Variants in ASIC2 observed in about 807,000 individuals in gnomAD.
ASIC2 encodes acid-sensing ion channel 2.
In ASIC2, 25 loss-of-function variants were observed where a neutral mutation model predicts 57.3. The observed-to-expected ratio is 0.44, with a 90% CI of 0.32 to 0.61. The LOEUF (loss-of-function observed/expected upper bound fraction) is 0.61, where lower values mean the gene tolerates loss of function less well. ASIC2 is among the 20% of genes least tolerant of loss of function. ASIC2 has a pLI of 0.06. For missense variants in ASIC2, 641 were observed against 738.1 expected, an observed-to-expected ratio of 0.87 and a Z score of 1.52; for synonymous variants, 319 against 307.5, an observed-to-expected ratio of 1.04 and a Z score of -0.39.
intron 1 of ASIC2, among the ~76,000 whole-genome samples, chr17:33,519,472 A>T (rs1914677033): frequency 6.6e-6 from 1 of 152,156 alleles, no homozygotes; most frequent in South Asian, 2.1e-4. Context: ...TTGCAAACAC[A>T]TGCACCTGAA....
intron 1 of ASIC2, among the ~76,000 whole-genome samples, chr17:33,890,590 T>C (rs1243488951): frequency 6.6e-6 from 1 of 151,998 alleles, no homozygotes; most frequent in Non-Finnish European, 1.5e-5. Context: ...GACCCAGGAG[T>C]TGGATCTGGG....
At chr17:33,241,942 A>G (rs1306167332) in intron 1 of ASIC2, among the ~76,000 whole-genome samples, 2 of 152,228 alleles carry the variant, frequency 1.3e-5, no homozygotes, top group African/African-American at 4.8e-5. Flanking sequence ...GAGATTTGCT[A>G]TATATAAATG....
intron 1 of ASIC2, among the ~76,000 whole-genome samples, chr17:34,126,898 G>A (rs2142123953): frequency 6.6e-6 from 1 of 152,268 alleles, no homozygotes; most frequent in Non-Finnish European, 1.5e-5. Flanking sequence ...CATGTGCTGA[G>A]TAGCCCGGGC....
chr17:34,079,326 A>G (rs545944782), intron 1 of ASIC2, among the ~76,000 whole-genome samples: 1 of 152,178 alleles, frequency 6.6e-6, no homozygotes, highest in East Asian at 1.9e-4. Flanking sequence ...CATACTAATC[A>G]ATGTGTGGTT....
At chr17:33,399,069 G>C (rs1910186208) in intron 1 of ASIC2, among the ~76,000 whole-genome samples, 1 of 152,144 alleles carries the variant, frequency 6.6e-6, no homozygotes, top group Non-Finnish European at 1.5e-5. Flanking sequence ...AAGAAGGCTG[G>C]AGGGAGAGAG....
chr17:33,832,854 A>G (rs1294620145), intron 1 of ASIC2, among the ~76,000 whole-genome samples: 1 of 152,202 alleles, frequency 6.6e-6, no homozygotes, highest in Non-Finnish European at 1.5e-5. Flanking sequence ...AGGCAGGCAC[A>G]ATGTTTCCTT....
intron 1 of ASIC2, among the ~76,000 whole-genome samples, chr17:33,255,306 C>T (rs1187990064): frequency 6.6e-6 from 1 of 151,872 alleles, no homozygotes; most frequent in African/African-American, 2.4e-5. Context: ...TCCCAAAGTG[C>T]TGGGATTATA....
intron 1 of ASIC2, among the ~76,000 whole-genome samples, chr17:33,465,920 T>C (rs1038224628): frequency 6.6e-6 from 1 of 152,158 alleles, no homozygotes; most frequent in Non-Finnish European, 1.5e-5. Context: ...TCTTAAAAAC[T>C]GTAAGGACCA....
At chr17:34,022,727 G>C (rs1035811876) in intron 1 of ASIC2, among the ~76,000 whole-genome samples, 1 of 151,816 alleles carries the variant, frequency 6.6e-6, no homozygotes, top group Non-Finnish European at 1.5e-5. Flanking sequence ...ATGAAGAAGT[G>C]GTTCATTAAT....
intron 1 of ASIC2, among the ~76,000 whole-genome samples, chr17:33,587,431 C>G (rs982637865): frequency 6.6e-6 from 1 of 152,192 alleles, no homozygotes; most frequent in East Asian, 1.9e-4. Flanking sequence ...CCTCAAAGGT[C>G]TAAGATGGCT....
intron 7 of ASIC2, among the ~76,000 whole-genome samples, chr17:33,020,099 G>A (rs1333510834): frequency 6.6e-6 from 1 of 152,090 alleles, no homozygotes; most frequent in Admixed American, 6.5e-5. Context: ...ACCCAGCTGG[G>A]ACCGAGCTAT....
Position 33,938,280 on chromosome 17 carries a change from G to C in ASIC2, c.555+217698C>G, listed in dbSNP as rs1484496880. Reference sequence around the variant, plus strand: ...GAGCCCCTGATTTCTTCAGCTGGGGGCTCCCTCCTTATCCACCTTCAAGTT... The same window carrying C: ...GAGCCCCTGATTTCTTCAGCTGGGGCCTCCCTCCTTATCCACCTTCAAGTT... On this transcript the variant is annotated intron_variant, in intron 1 of 9. Transcript: ENST00000359872. Among the ~76,000 whole-genome samples, 3 of 152,098 alleles carry C rather than the reference G, an allele frequency of 2.0e-5. No homozygotes were observed. In the East Asian group the frequency reaches 5.8e-4, roughly 29 times the overall value.
chr17:34,066,869 A>C (rs1219323435), intron 1 of ASIC2, among the ~76,000 whole-genome samples: 1 of 152,200 alleles, frequency 6.6e-6, no homozygotes, highest in Non-Finnish European at 1.5e-5. Context: ...CACCCAGGAA[A>C]CAACACACAA....
chr17:33,791,356 G>A (rs1911764764), intron 1 of ASIC2, among the ~76,000 whole-genome samples: 1 of 152,188 alleles, frequency 6.6e-6, no homozygotes, highest in African/African-American at 2.4e-5. Flanking sequence ...ATATGGAGAA[G>A]CATCAGGGTG....
chr17:33,913,023 A>C (rs1915502650), intron 1 of ASIC2, among the ~76,000 whole-genome samples: 1 of 152,018 alleles, frequency 6.6e-6, no homozygotes, highest in Admixed American at 6.5e-5. Flanking sequence ...ATAAATAAAA[A>C]TTAAATTCTA....
intron 1 of ASIC2, among the ~76,000 whole-genome samples, chr17:33,174,733 C>T (rs968724460): frequency 6.6e-6 from 1 of 152,152 alleles, no homozygotes; most frequent in Non-Finnish European, 1.5e-5. Context: ...CTTTCAGAGC[C>T]CGTGTCCTGG....
At chr17:33,054,026 C>T (rs543171912) in intron 3 of ASIC2, among the ~76,000 whole-genome samples, 1 of 152,100 alleles carries the variant, frequency 6.6e-6, no homozygotes, top group African/African-American at 2.4e-5. Flanking sequence ...CCTACCTTTG[C>T]TCTCCTGTAT....
intron 1 of ASIC2, among the ~76,000 whole-genome samples, chr17:33,219,800 A>G (rs1758430198): frequency 6.6e-6 from 1 of 152,156 alleles, no homozygotes; most frequent in Admixed American, 6.5e-5. Context: ...ATGTTAGAGA[A>G]AATCGTTGGC....
chr17:33,326,662 G>T (rs1907090448), intron 1 of ASIC2, among the ~76,000 whole-genome samples: 1 of 152,314 alleles, frequency 6.6e-6, no homozygotes, highest in South Asian at 2.1e-4. Context: ...TCCCAGAGCT[G>T]GGGAGGGCCT....
Sources: gnomAD v4.1 joint callset for allele counts (sites outside exome capture counted in the v4.1 genomes callset) on GRCh38, gnomAD v4.1.1 for gene constraint, MANE v1.5 for transcripts, NCBI Gene and HGNC (gene_info 2026-07-23, HGNC 2026-07-21) for gene names.